Variants in CMTM3 observed in about 807,000 individuals in gnomAD.
The protein encoded by CMTM3 is CKLF like MARVEL transmembrane domain containing 3, also known as CKLF-like MARVEL transmembrane domain-containing protein 3.
Under a neutral mutation model 18.2 loss-of-function variants are expected in CMTM3, and 7 were observed. That is an observed-to-expected ratio of 0.38 (90% CI 0.22 to 0.72). CMTM3 has a LOEUF of 0.72. CMTM3 is among the 30% of genes least tolerant of loss of function. The pLI is 0.46. For missense variants in CMTM3, 227 were observed against 249.2 expected (o/e 0.91, Z 0.60); for synonymous variants, 109 against 111.2 (o/e 0.98, Z 0.12).
In CMTM3 at chr16:66,612,822, G is replaced by C. The variant is rs1036725675; in HGVS notation, c.*185G>C. The stretch of plus-strand genomic sequence containing the variant: ...CCTACCAGGCTTGCCCCTCAGCTCA[G>C]CACTGTTGACCACGCTGCGTATGAG... On this transcript the variant is annotated 3_prime_UTR_variant, in exon 5 of 5. Coordinates refer to ENST00000567572, the MANE Select transcript of CMTM3 (RefSeq NM_181553.4). The surrounding 1 kb of genome is among the most constrained non-coding windows in gnomAD (Gnocchi z 6.0). The C allele has an allele frequency of 4.7e-6, 3 of 635,188 alleles. No homozygotes were observed. In the African/African-American group the frequency reaches 5.5e-5, roughly 12 times the overall value. 39.3% of individuals were successfully genotyped at this position (635,188 alleles called of 1,614,324 possible).
chr16:66,610,136 T>G lies in CMTM3; in HGVS notation c.520+133T>G. ...TGGCAGGAAGTGTTTTCACAGCCCA[T>G]TCTCACCTACCCTCATGCAGCACTG... On this transcript the variant is annotated intron_variant, in intron 4 of 4. Transcript: ENST00000567572. This position sits in a 1 kb window ranked among gnomAD's most constrained non-coding sequence, Gnocchi z 4.6. 1 of 1,127,050 alleles carries G rather than the reference T, an allele frequency of 8.9e-7. No homozygotes were observed. The highest frequency in any genetic ancestry group is 1.3e-6 in the Non-Finnish European group (1 of 781,184). 69.8% of individuals were successfully genotyped at this position (1,127,050 alleles called of 1,614,324 possible).
chr16:66,606,591 C>G (rs1045549046), intron 1 of CMTM3, among the ~76,000 whole-genome samples: 1 of 152,184 alleles, frequency 6.6e-6, no homozygotes, highest in Non-Finnish European at 1.5e-5. Context: ...ATGGGGACTC[C>G]TGCACCCACT....
In CMTM3 at chr16:66,604,777, C is replaced by T; in HGVS notation, c.-29C>T. 1 of 1,232,746 alleles carries T rather than the reference C, an allele frequency of 8.1e-7. No individual in the cohort carries two copies. Among genetic ancestry groups the T allele is most frequent in the Non-Finnish European group, 1.0e-6 (1 of 990,162 alleles). The allele number at this position is 1,232,746 out of a possible 1,614,324, so 76.4% of individuals were successfully genotyped here. A position where few individuals can be genotyped will look rare whatever the true frequency, so the allele number is the denominator to read the frequency against. ...GGGCGCGAGAAGAGGGGAGCCAGGC[C>T]GAGCCCCGGCCCTACCGCCGCCGCC... On this transcript the variant is annotated 5_prime_UTR_variant, in exon 1 of 5. Transcript: ENST00000567572.
Position 66,605,332 on chromosome 16 carries a change from T to A in CMTM3, c.147+380T>A. ...CGGGCCGCAGCGGGGTCCGCTTTCC[T>A]GCGAGCGGGTAGTGCGGGCCGGGGC... On this transcript the variant is annotated intron_variant, in intron 1 of 4. Coordinates refer to ENST00000567572, the MANE Select transcript of CMTM3 (RefSeq NM_181553.4). This position sits in a 1 kb window ranked among gnomAD's most constrained non-coding sequence, Gnocchi z 4.6. 6.1e-6 allele frequency: 1 copy of A among 164,178 alleles called. No individual in the cohort carries two copies. Among genetic ancestry groups the A allele is most frequent in the Non-Finnish European group, 1.3e-5 (1 of 76,114 alleles). 10.2% of individuals were successfully genotyped at this position (164,178 alleles called of 1,614,324 possible).
In CMTM3 at chr16:66,610,070, G is replaced by C; in HGVS notation, c.520+67G>C. 6.3e-7 allele frequency: 1 copy of C among 1,590,020 alleles called. No homozygotes were observed. Among genetic ancestry groups the C allele is most frequent in the Non-Finnish European group, 8.6e-7 (1 of 1,165,296 alleles). Reference sequence around the variant, plus strand: ...GGCCTGCCCTCCCTCGGGGATGCCAGCTAGTTTGAGGCTGGGGTGGGATCA... The same window carrying C: ...GGCCTGCCCTCCCTCGGGGATGCCACCTAGTTTGAGGCTGGGGTGGGATCA... On this transcript the variant is annotated intron_variant, in intron 4 of 4. Coordinates refer to ENST00000567572, the MANE Select transcript of CMTM3 (RefSeq NM_181553.4). The surrounding 1 kb of genome is among the most constrained non-coding windows in gnomAD (Gnocchi z 4.6).
Position 66,605,932 on chromosome 16 carries a change from T to C in CMTM3, c.147+980T>C, listed in dbSNP as rs1348428840. ...CCCAAGTGAGACACCAATGCCACAC[T>C]CCGAGCCCACACTCCCAGCCCCACC... On this transcript the variant is annotated intron_variant, in intron 1 of 4. Transcript: ENST00000567572. This position sits in a 1 kb window ranked among gnomAD's most constrained non-coding sequence, Gnocchi z 4.6. Among the ~76,000 whole-genome samples, 1 of 151,678 alleles carries C rather than the reference T, an allele frequency of 6.6e-6. No individual in the cohort carries two copies. Among genetic ancestry groups the C allele is most frequent in the Non-Finnish European group, 1.5e-5 (1 of 67,950 alleles).
Position 66,609,306 on chromosome 16 carries a change from G to A in CMTM3, c.304-129G>A, listed in dbSNP as rs1047174585. The A allele has an allele frequency of 1.9e-5, 14 of 742,008 alleles. No individual in the cohort carries two copies. In the African/African-American group the frequency reaches 2.1e-4, roughly 11 times the overall value. The allele number at this position is 742,008 out of a possible 1,614,324, so 46.0% of individuals were successfully genotyped here. ...GGGACAAGGGCCTAGGCATGTGGGT[G>A]GGGCCAGGATGGGATAGGAGCCCTC... On this transcript the variant is annotated intron_variant, in intron 2 of 4. Transcript: ENST00000567572. This position sits in a 1 kb window ranked among gnomAD's most constrained non-coding sequence, Gnocchi z 4.4.
intron 4 of CMTM3, chr16:66,611,101 A>T (rs2015359438): frequency 5.2e-6 from 2 of 388,032 alleles, no homozygotes; most frequent in South Asian, 1.4e-4. Context: ...CTATTTGGAG[A>T]GTTTCACATA....
At chr16:66,607,638 T>C (rs955047801) in intron 1 of CMTM3, among the ~76,000 whole-genome samples, 7 of 152,046 alleles carry the variant, frequency 4.6e-5, no homozygotes, top group African/African-American at 1.4e-4. Context: ...GTCTTTGGTG[T>C]TGGGTGTTAC....
rs895470839 is a variant in CMTM3 at position 66,608,374 on chromosome 16, T to C, written c.213T>C (p.Pro71=). The change falls in exon 2 of 5, where the codon CCT becomes CCC. Residue 71 remains proline, a synonymous_variant. Coordinates refer to ENST00000567572, the MANE Select transcript of CMTM3 (RefSeq NM_181553.4). This position sits in a 1 kb window ranked among gnomAD's most constrained non-coding sequence, Gnocchi z 5.1. ...CAGCATCTGCCTTCCTCACAGCGCC[T>C]CTGCTGGAGTTCCTGCTGGCCTTGT... ...ASSASAFLTA[P]LLEFLLALYF... The C allele has an allele frequency of 1.9e-6, 3 of 1,614,224 alleles. No individual in the cohort carries two copies. Among genetic ancestry groups the C allele is most frequent in the Non-Finnish European group, 2.5e-6 (3 of 1,180,048 alleles).
Position 66,609,381 on chromosome 16 carries a change from C to G in CMTM3, c.304-54C>G, listed in dbSNP as rs2015282340. The G allele has an allele frequency of 6.6e-7, 1 of 1,513,600 alleles. No homozygotes were observed. Among genetic ancestry groups the G allele is most frequent in the Non-Finnish European group, 9.1e-7 (1 of 1,101,372 alleles). 93.8% of individuals were successfully genotyped at this position (1,513,600 alleles called of 1,614,324 possible). ...CACGACCAGGCTGCCAGGCCTCCTC[C>G]CCATGCTGTGCTCAGCTCCAGGGGC... On this transcript the variant is annotated intron_variant, in intron 2 of 4. Coordinates refer to ENST00000567572, the MANE Select transcript of CMTM3 (RefSeq NM_181553.4). The surrounding 1 kb of genome is among the most constrained non-coding windows in gnomAD (Gnocchi z 4.4).
Position 66,605,588 on chromosome 16 carries a change from T to TTGGGGA in CMTM3, c.147+643_147+648dup, listed in dbSNP as rs2015117597. ...GTGGGGTAGGGGTGGCGCTGGGCCG[T>TTGGGGA]TGGGGATGGGGAGGGAGAGGCCGGG... On this transcript the variant is annotated intron_variant, in intron 1 of 4. Transcript: ENST00000567572. The surrounding 1 kb of genome is among the most constrained non-coding windows in gnomAD (Gnocchi z 4.6). The TTGGGGA allele has an allele frequency of 6.6e-6, 1 of 152,574 alleles. No individual in the cohort carries two copies. The highest frequency in any genetic ancestry group is 1.5e-5 in the Non-Finnish European group (1 of 68,452). 9.5% of individuals were successfully genotyped at this position (152,574 alleles called of 1,614,324 possible).
At position 66,604,795 on chromosome 16, in the gene CMTM3, C is replaced by T; in HGVS notation, c.-11C>T. On this transcript the variant is annotated 5_prime_UTR_variant, in exon 1 of 5. Transcript: ENST00000567572. ...GCCAGGCCGAGCCCCGGCCCTACCGCCGCCGCCGCCATGTGGCCCCCAGAC... is the reference window on the plus strand; with the variant it reads ...GCCAGGCCGAGCCCCGGCCCTACCGTCGCCGCCGCCATGTGGCCCCCAGAC... 1 of 1,247,542 alleles carries T rather than the reference C, an allele frequency of 8.0e-7. No individual in the cohort carries two copies. The highest frequency in any genetic ancestry group is 1.0e-6 in the Non-Finnish European group (1 of 1,000,082). 77.3% of individuals were successfully genotyped at this position (1,247,542 alleles called of 1,614,324 possible).
rs1177883348 is a variant in CMTM3 at position 66,613,064 on chromosome 16, C to A, written c.*427C>A. On this transcript the variant is annotated 3_prime_UTR_variant, in exon 5 of 5. Transcript: ENST00000567572. ...CCATGACAGGGCTGCCCCGCCAGGCCCCGGTGGGTTTGTCTGCACTTGGTG... is the reference window on the plus strand; with the variant it reads ...CCATGACAGGGCTGCCCCGCCAGGCACCGGTGGGTTTGTCTGCACTTGGTG... 8 of 702,878 alleles carry A rather than the reference C, an allele frequency of 1.1e-5. No homozygotes were observed. In the Admixed American group the frequency reaches 1.6e-4, roughly 14 times the overall value. 43.5% of individuals were successfully genotyped at this position (702,878 alleles called of 1,614,324 possible).
rs531806277 is a variant in CMTM3 at position 66,612,346 on chromosome 16, G to A, written c.521-263G>A. 9.1e-4 allele frequency among the ~76,000 whole-genome samples: 138 copies of A among 152,242 alleles called. No individual in the cohort carries two copies. The highest frequency in any genetic ancestry group is 3.2e-3 in the African/African-American group (132 of 41,542). On this transcript the variant is annotated intron_variant, in intron 4 of 4. Transcript: ENST00000567572. The surrounding 1 kb of genome is among the most constrained non-coding windows in gnomAD (Gnocchi z 6.0). ...GTCGAGATCCCGCCATTGCACTCCA[G>A]CCTGGGTGATGAGCAAGACTCTGTC...
chr16:66,606,088 G>A (rs757496774), intron 1 of CMTM3, among the ~76,000 whole-genome samples: 8 of 152,082 alleles, frequency 5.3e-5, no homozygotes, highest in Non-Finnish European at 8.8e-5. Flanking sequence ...GAGCATAGAG[G>A]CCACCCTGGG....
rs958795842 is a variant in CMTM3, at chr16:66,612,739, C to T, written c.*102C>T. On this transcript the variant is annotated 3_prime_UTR_variant, in exon 5 of 5. Transcript: ENST00000567572. This position sits in a 1 kb window ranked among gnomAD's most constrained non-coding sequence, Gnocchi z 6.0. ...AGCGGAGGCCTGGACTTCTGAGTTG[C>T]AGAGGGGGCTGCGGACACAGCAGGC... is the stretch of plus-strand genomic sequence containing the variant. 6.2e-5 allele frequency: 73 copies of T among 1,184,848 alleles called. No homozygotes were observed. In the East Asian group the frequency reaches 1.7e-3, roughly 27 times the overall value. 73.4% of individuals were successfully genotyped at this position (1,184,848 alleles called of 1,614,324 possible).
At position 66,613,447 on chromosome 16, in the gene CMTM3, C is replaced by T; in HGVS notation, c.*810C>T. The stretch of plus-strand genomic sequence containing the variant: ...CAGCCAGCAGGCAGGAGTTCCTGGA[C>T]CCTCAGGACAGTGAACTTCCAGACC... On this transcript the variant is annotated 3_prime_UTR_variant, in exon 5 of 5. Transcript: ENST00000567572. The T allele has an allele frequency of 3.0e-6, 1 of 330,282 alleles. No homozygotes were observed. The highest frequency in any genetic ancestry group is 5.6e-6 in the Non-Finnish European group (1 of 177,092). The allele number at this position is 330,282 out of a possible 1,614,324, so 20.5% of individuals were successfully genotyped here.
Position 66,605,040 on chromosome 16 carries a change from G to T in CMTM3, c.147+88G>T. ...GTCGGGGCGCGGGTGGGGTCCGGGG[G>T]CGGCCGCCGTGCTCCGATACCCCCT... On this transcript the variant is annotated intron_variant, in intron 1 of 4. Transcript: ENST00000567572. The surrounding 1 kb of genome is among the most constrained non-coding windows in gnomAD (Gnocchi z 4.6). 2 of 1,226,848 alleles carry T rather than the reference G, an allele frequency of 1.6e-6. No individual in the cohort carries two copies. 76.0% of individuals were successfully genotyped at this position (1,226,848 alleles called of 1,614,324 possible).
Sources: allele counts gnomAD v4.1 joint callset (sites outside exome capture counted in the v4.1 genomes callset), GRCh38; gene constraint gnomAD v4.1.1; non-coding constraint Gnocchi (gnomAD v3.1); transcripts MANE v1.5; gene names NCBI Gene and HGNC (gene_info 2026-07-23, HGNC 2026-07-21).